DENND2C: variants seen among roughly 807,000 people sequenced by gnomAD.
DENND2C encodes the protein DENN domain containing 2C.
In DENND2C, 72 loss-of-function variants were observed where a neutral mutation model predicts 112.4. That is an observed-to-expected ratio of 0.64 (90% CI 0.53 to 0.78). The LOEUF (loss-of-function observed/expected upper bound fraction) is 0.78. Among genes scored for constraint, DENND2C ranks in the 30% least tolerant of loss-of-function variants. DENND2C has a pLI of 0.00. For missense variants in DENND2C, 992 were observed against 1,113.8 expected (o/e 0.89, Z 1.56); for synonymous variants, 329 against 381.6 (o/e 0.86, Z 1.61).
chr1:114,636,665 TCAAA>T (rs1328366304), intron 3 of DENND2C, among the ~76,000 whole-genome samples: 3 of 151,778 alleles, frequency 2.0e-5, no homozygotes, highest in Non-Finnish European at 4.4e-5. Flanking sequence ...AAACCCTGTC[TCAAA>T]CAACAGCAAC....
At chr1:114,588,090 C>T in intron 18 of DENND2C, 138 bp from the exon 19 acceptor site, 1 of 741,520 alleles carries the variant, frequency 1.3e-6, no homozygotes, top group Admixed American at 2.9e-5. Flanking sequence ...AGTGTTCATT[C>T]TTCACTTTCT....
chr1:114,620,195 T>C (rs1656125990), intron 7 of DENND2C, among the ~76,000 whole-genome samples: 1 of 152,180 alleles, frequency 6.6e-6, no homozygotes, highest in Non-Finnish European at 1.5e-5. Flanking sequence ...AGCCAAAATT[T>C]GTATTGCATA....
intron 2 of DENND2C, among the ~76,000 whole-genome samples, chr1:114,649,892 G>A (rs943812940): frequency 5.3e-5 from 8 of 152,174 alleles, no homozygotes; most frequent in South Asian, 4.1e-4. Context: ...AAAAATACCC[G>A]TAAGTCTACT....
chr1:114,587,626 G>T, intron 19 of DENND2C, 90 bp downstream of exon 19: 1 of 1,424,058 alleles, frequency 7.0e-7, no homozygotes, highest in Non-Finnish European at 9.6e-7. Flanking sequence ...TTAAGCCCTT[G>T]TCGCTTTACA....
intron 11 of DENND2C, among the ~76,000 whole-genome samples, chr1:114,604,010 A>T (rs1257543612): frequency 6.6e-6 from 1 of 152,206 alleles, no homozygotes; most frequent in Non-Finnish European, 1.5e-5. Flanking sequence ...TAGAATAAAC[A>T]TATATAACTT....
At position 114,587,953 on chromosome 1, in the gene DENND2C, C is replaced by A; in HGVS notation, c.2432-1G>T. The A allele has an allele frequency of 1.2e-6, 2 of 1,611,528 alleles. No homozygotes were observed. The highest frequency in any genetic ancestry group is 1.7e-6 in the Non-Finnish European group (2 of 1,179,062). Reference sequence around the variant, plus strand: ...GACACCAGAGAGTTGAGTGTCACATCTGCTGCAACATGAAAAAGAAAAAAA... The same window carrying A: ...GACACCAGAGAGTTGAGTGTCACATATGCTGCAACATGAAAAAGAAAAAAA... On this transcript the variant is annotated splice_acceptor_variant, in intron 18 of 20. Transcript: ENST00000393274. LOFTEE classifies it high-confidence loss of function.
intron 16 of DENND2C, 90 bp downstream of exon 16, chr1:114,599,184 T>C (rs901430035): frequency 1.1e-5 from 10 of 925,230 alleles, no homozygotes; most frequent in Non-Finnish European, 1.1e-5. Context: ...AAAATAGTAA[T>C]AACTAAATTA....
At chr1:114,601,616 AT>A (rs1451931837) in intron 12 of DENND2C, 31 bp from the exon 13 acceptor site, 15 of 1,582,326 alleles carry the variant, frequency 9.5e-6, no homozygotes, top group Non-Finnish European at 1.3e-5. Context: ...CAACAAAAAA[AT>A]CAAGCCGCAT....
chr1:114,641,284 A>G (rs1414413137), intron 3 of DENND2C, among the ~76,000 whole-genome samples: 2 of 151,782 alleles, frequency 1.3e-5, no homozygotes, highest in Non-Finnish European at 2.9e-5. Context: ...AAAAGAAAAG[A>G]AAAAGAAAAA....
intron 3 of DENND2C, among the ~76,000 whole-genome samples, chr1:114,641,224 A>C (rs1197977866): frequency 6.6e-6 from 1 of 150,676 alleles, no homozygotes; most frequent in Non-Finnish European, 1.5e-5. Flanking sequence ...CTTGAGCCCA[A>C]GAGACCAGCC....
chr1:114,661,402 CTTATG>C (rs1657489100), intron 1 of DENND2C, among the ~76,000 whole-genome samples: 1 of 152,098 alleles, frequency 6.6e-6, no homozygotes. Context: ...CCATTTTTCC[CTTATG>C]CCACTGATAC....
At chr1:114,611,214 T>C in intron 8 of DENND2C, 97 bp from the exon 9 acceptor site, 2 of 1,337,228 alleles carry the variant, frequency 1.5e-6, no homozygotes, top group Non-Finnish European at 2.1e-6. Flanking sequence ...GGACTTGGAG[T>C]AAGGAATAAT....
chr1:114,658,496 A>G (rs1190275409), intron 1 of DENND2C, among the ~76,000 whole-genome samples: 2 of 152,212 alleles, frequency 1.3e-5, no homozygotes, highest in African/African-American at 2.4e-5. Flanking sequence ...GTGAAGGCAG[A>G]TAACAGCAAA....
chr1:114,662,746 G>A (rs760691535), intron 1 of DENND2C, among the ~76,000 whole-genome samples: 11 of 152,212 alleles, frequency 7.2e-5, no homozygotes, highest in Non-Finnish European at 1.5e-4. Flanking sequence ...TCCCGAGGTC[G>A]GGAGTTCAAG....
intron 15 of DENND2C, 131 bp downstream of exon 15, chr1:114,600,073 G>C: frequency 1.0e-6 from 1 of 991,472 alleles, no homozygotes. Flanking sequence ...CATATGTAAT[G>C]AACCTGCACG....
chr1:114,613,147 C>A (rs1005863513), intron 8 of DENND2C, among the ~76,000 whole-genome samples: 1 of 152,186 alleles, frequency 6.6e-6, no homozygotes. Context: ...AAACTGTCTA[C>A]TAGCTAAATA....
Position 114,625,885 on chromosome 1 carries a change from C to T in DENND2C, c.100G>A (p.Gly34Ser), listed in dbSNP as rs771760299. The change falls in exon 4 of 21, where the codon GGT becomes AGT. Residue 34 changes from glycine to serine, a missense_variant. Gly to Ser is a moderately conservative substitution (Grantham distance 56). Around this residue, in one of 3 missense-constraint regions of DENND2C, gnomAD observed 470 missense variants for 472.7 expected, o/e 0.99. Coordinates refer to ENST00000393274, the MANE Select transcript of DENND2C (RefSeq NM_001256404.2). ...KISQWEGRAN[G>S]ISNPEKWCPK... ...CACCACTTTTCTGGATTAGATATAC[C>T]ATTAGCCCTTCCTTCCCATTGAGAA... 5 of 1,614,040 alleles carry T rather than the reference C, an allele frequency of 3.1e-6. No homozygotes were observed. The highest frequency in any genetic ancestry group is 1.7e-5 in the Admixed American group (1 of 60,022).
intron 2 of DENND2C, among the ~76,000 whole-genome samples, chr1:114,652,118 G>C (rs1657184165): frequency 1.3e-5 from 2 of 152,170 alleles, no homozygotes; most frequent in South Asian, 4.1e-4. Context: ...TTGGCTGGAT[G>C]CCTGTGTGTA....
intron 3 of DENND2C, among the ~76,000 whole-genome samples, chr1:114,629,614 C>T (rs908146462): frequency 6.6e-6 from 1 of 152,150 alleles, no homozygotes; most frequent in Non-Finnish European, 1.5e-5. Flanking sequence ...AAACAGCATA[C>T]TTGGAGATGA....
Sources: gnomAD v4.1 joint callset for allele counts (sites outside exome capture counted in the v4.1 genomes callset) on GRCh38, gnomAD v4.1.1 for gene constraint, gnomAD v4.1.1 regional missense constraint, MANE v1.5 for transcripts, NCBI Gene and HGNC (gene_info 2026-07-23, HGNC 2026-07-21) for gene names.